PAPPA: variants seen among roughly 807,000 people sequenced by gnomAD.
PAPPA encodes pappalysin 1, also known as pappalysin-1.
In PAPPA, 60 loss-of-function variants were observed where a neutral mutation model predicts 164.0. That is an observed-to-expected ratio of 0.37 (90% CI 0.30 to 0.45). The LOEUF is 0.45. Ranked by LOEUF, PAPPA falls within the 20% of genes least tolerant of loss-of-function variation. PAPPA has a pLI of 1.00. For synonymous variants in PAPPA, 875 were observed against 814.1 expected, an observed-to-expected ratio of 1.07 and a Z score of -1.27; for missense variants, 1,782 against 2,087.3, an observed-to-expected ratio of 0.85 and a Z score of 2.85.
chr9:116,349,947 G>A (rs138738568), intron 15 of PAPPA, among the ~76,000 whole-genome samples: 72 of 152,304 alleles, frequency 4.7e-4, no homozygotes, highest in Admixed American at 9.8e-4. Flanking sequence ...ACTGACAAAA[G>A]TCAACAGGCT....
At chr9:116,275,059 C>T (rs774269268) in intron 9 of PAPPA, among the ~76,000 whole-genome samples, 1 of 152,232 alleles carries the variant, frequency 6.6e-6, no homozygotes, top group African/African-American at 2.4e-5. Context: ...GGGACCTAAT[C>T]TTGGGCTTGG....
intron 19 of PAPPA, among the ~76,000 whole-genome samples, chr9:116,371,691 C>T (rs535541398): frequency 6.6e-6 from 1 of 151,896 alleles, no homozygotes; most frequent in African/African-American, 2.4e-5. Context: ...GATCCTTCTG[C>T]CTCAGCCTCC....
intron 11 of PAPPA, 68 bp from the exon 12 acceptor site, chr9:116,332,265 C>T: frequency 1.4e-6 from 2 of 1,408,014 alleles, no homozygotes; most frequent in Non-Finnish European, 2.0e-6. Flanking sequence ...AAATGCACCC[C>T]AATGTGGCTG....
At chr9:116,376,856 T>C (rs776188371) in intron 19 of PAPPA, among the ~76,000 whole-genome samples, 4 of 152,134 alleles carry the variant, frequency 2.6e-5, no homozygotes, top group Non-Finnish European at 5.9e-5. Context: ...CAGACCAGTA[T>C]GACACGGCAG....
chr9:116,289,141 T>TAGC (rs750551061), intron 9 of PAPPA, among the ~76,000 whole-genome samples: 12 of 40,384 alleles, frequency 3.0e-4, no homozygotes, highest in South Asian at 1.3e-3. Context: ...TATATATATA[T>TAGC]ATATATATAT....
intron 1 of PAPPA, among the ~76,000 whole-genome samples, chr9:116,173,841 C>T (rs1843800632): frequency 6.6e-6 from 1 of 152,208 alleles, no homozygotes; most frequent in Admixed American, 6.5e-5. Context: ...CTGCTGAGCT[C>T]TATTTGCTTG....
At chr9:116,351,853 T>G (rs926412682) in intron 15 of PAPPA, among the ~76,000 whole-genome samples, 1 of 152,178 alleles carries the variant, frequency 6.6e-6, no homozygotes, top group African/African-American at 2.4e-5. Flanking sequence ...GCCCCCGACA[T>G]GTTTCCAGCC....
intron 19 of PAPPA, among the ~76,000 whole-genome samples, chr9:116,371,143 G>A (rs1267139998): frequency 2.6e-5 from 4 of 151,282 alleles, no homozygotes; most frequent in East Asian, 3.9e-4. Flanking sequence ...GCAGCCGGGC[G>A]CGGTGGCTCA....
In PAPPA at chr9:116,235,650, T is replaced by C; in HGVS notation, c.2732+13T>C. The C allele has an allele frequency of 6.2e-7, 1 of 1,612,510 alleles. No homozygotes were observed. The highest frequency in any genetic ancestry group is 8.5e-7 in the Non-Finnish European group (1 of 1,179,728). On this transcript the variant is annotated intron_variant, in intron 7 of 21. Coordinates refer to ENST00000328252, the MANE Select transcript of PAPPA (RefSeq NM_002581.5). ...AATTCGTAGACATGTAAGTGCATTC[T>C]CTGAATAGGGAGTTTATTAAGTGGG...
At chr9:116,328,371 C>T (rs753100972) in intron 10 of PAPPA, among the ~76,000 whole-genome samples, 1 of 152,326 alleles carries the variant, frequency 6.6e-6, no homozygotes, top group Non-Finnish European at 1.5e-5. Context: ...AACTTAAAAA[C>T]GTCTTCCAGC....
At position 116,353,858 on chromosome 9, in the gene PAPPA, C is replaced by G. The variant is rs755699620; in HGVS notation, c.4347+65C>G. 10 of 1,274,914 alleles carry G rather than the reference C, an allele frequency of 7.8e-6. No individual in the cohort carries two copies. The East Asian group carries it at 2.4e-4, about 31-fold the overall frequency. The allele number at this position is 1,274,914 out of a possible 1,614,324, so 79.0% of individuals were successfully genotyped here. ...TTCCTTTCTGCTTACCAAAAACTAG[C>G]CTGTACTTCAGGAACCACTTTCTGC... On this transcript the variant is annotated intron_variant, in intron 17 of 21. Coordinates refer to ENST00000328252, the MANE Select transcript of PAPPA (RefSeq NM_002581.5).
intron 20 of PAPPA, among the ~76,000 whole-genome samples, chr9:116,380,600 TTTG>T (rs1007200631): frequency 2.6e-4 from 40 of 152,114 alleles, no homozygotes; most frequent in Admixed American, 9.2e-4. Context: ...GGGTTTATTG[TTTG>T]TTGTTTGTTT....
chr9:116,229,251 G>A (rs1354387758), intron 6 of PAPPA, among the ~76,000 whole-genome samples: 1 of 152,172 alleles, frequency 6.6e-6, no homozygotes, highest in African/African-American at 2.4e-5. Flanking sequence ...ATCTACTTCA[G>A]AGGCTTATAG....
At chr9:116,281,385 C>T (rs1564209007) in intron 9 of PAPPA, among the ~76,000 whole-genome samples, 1 of 152,078 alleles carries the variant, frequency 6.6e-6, no homozygotes, top group Non-Finnish European at 1.5e-5. Context: ...TTCACTGACT[C>T]CTCATGTATT....
intron 10 of PAPPA, among the ~76,000 whole-genome samples, chr9:116,309,078 T>C (rs940663148): frequency 3.3e-5 from 5 of 151,808 alleles, no homozygotes; most frequent in African/African-American, 1.2e-4. Flanking sequence ...TTTTCTTTCT[T>C]TTTTTCTTTT....
At chr9:116,394,763 G>C (rs1846940085) in intron 21 of PAPPA, among the ~76,000 whole-genome samples, 1 of 152,184 alleles carries the variant, frequency 6.6e-6, no homozygotes, top group Non-Finnish European at 1.5e-5. Context: ...CTTGGAAAAG[G>C]GGACGGTGGA....
intron 2 of PAPPA, among the ~76,000 whole-genome samples, chr9:116,195,436 A>G (rs1197108099): frequency 6.6e-6 from 1 of 152,238 alleles, no homozygotes; most frequent in East Asian, 1.9e-4. Context: ...AGATCAATAC[A>G]GTCTAGCAAA....
chr9:116,262,125 G>T (rs1564202725), intron 7 of PAPPA, among the ~76,000 whole-genome samples: 1 of 151,584 alleles, frequency 6.6e-6, no homozygotes, highest in African/African-American at 2.4e-5. Context: ...TGAGGTGGGA[G>T]GATTGGTTGA....
At chr9:116,354,367 GA>G (rs1846324507) in intron 17 of PAPPA, among the ~76,000 whole-genome samples, 1 of 152,074 alleles carries the variant, frequency 6.6e-6, no homozygotes. Context: ...CGGGAATCAA[GA>G]ATAGGAAAAA....
Sources: gnomAD v4.1 joint callset for allele counts (sites outside exome capture counted in the v4.1 genomes callset) on GRCh38, gnomAD v4.1.1 for gene constraint, MANE v1.5 for transcripts, NCBI Gene and HGNC (gene_info 2026-07-23, HGNC 2026-07-21) for gene names.